Variants in COG2 observed in about 807,000 individuals in gnomAD.
COG2 encodes conserved oligomeric Golgi complex subunit 2.
In COG2, 52 loss-of-function variants were observed where a neutral mutation model predicts 90.6. The observed-to-expected ratio is 0.57, with a 90% CI of 0.46 to 0.72. The LOEUF is 0.72. COG2 is among the 30% of genes least tolerant of loss of function. The pLI is 0.00. For synonymous variants in COG2, 337 were observed against 320.4 expected (o/e 1.05, Z -0.55); for missense variants, 829 against 891.2 (o/e 0.93, Z 0.89).
At chr1:230,678,016 T>C (rs1662641273) in intron 9 of COG2, 1 of 985,306 alleles carries the variant, frequency 1.0e-6, no homozygotes, top group African/African-American at 1.7e-5. Flanking sequence ...ATTTAAAGCC[T>C]GTAGTTTTTA....
At chr1:230,671,668 C>T (rs745635396) in intron 8 of COG2, 28 bp downstream of exon 8, 47 of 1,607,940 alleles carry the variant, frequency 2.9e-5, no homozygotes, top group Non-Finnish European at 1.9e-5. Flanking sequence ...GTGTGGACCC[C>T]CACCTCCCTT....
Position 230,642,575 on chromosome 1 carries a change from G to C in COG2, c.-32G>C, listed in dbSNP as rs751061110. On this transcript the variant is annotated 5_prime_UTR_variant, in exon 1 of 18. Transcript: ENST00000366669. ...GCAGCCTCCTGCGTTTTCTCGCTTGGATCTTGGCACTGAGAGGCGGTGGCC... is the reference window on the plus strand; with the variant it reads ...GCAGCCTCCTGCGTTTTCTCGCTTGCATCTTGGCACTGAGAGGCGGTGGCC... 1 of 1,602,526 alleles carries C rather than the reference G, an allele frequency of 6.2e-7. No homozygotes were observed. The highest frequency in any genetic ancestry group is 8.5e-7 in the Non-Finnish European group (1 of 1,174,524).
At chr1:230,690,175 C>G (rs1173945466) in intron 16 of COG2, 22 bp downstream of exon 16, 2 of 1,606,974 alleles carry the variant, frequency 1.2e-6, no homozygotes, top group Admixed American at 1.7e-5. Flanking sequence ...AAAAGCAGAC[C>G]TTGTGGGCCT....
chr1:230,644,038 A>G (rs961966326), intron 1 of COG2, among the ~76,000 whole-genome samples: 16 of 152,184 alleles, frequency 1.1e-4, no homozygotes, highest in Non-Finnish European at 1.6e-4. Flanking sequence ...CTTAAGGCTC[A>G]ACACCAGCAT....
At chr1:230,677,549 G>T (rs1223070697) in intron 9 of COG2, among the ~76,000 whole-genome samples, 1 of 152,124 alleles carries the variant, frequency 6.6e-6, no homozygotes, top group Non-Finnish European at 1.5e-5. Context: ...AAAAAGTAGG[G>T]CTTTTTAAAT....
intron 1 of COG2, among the ~76,000 whole-genome samples, chr1:230,655,755 A>T (rs1193165996): frequency 6.6e-6 from 1 of 152,140 alleles, no homozygotes; most frequent in Non-Finnish European, 1.5e-5. Flanking sequence ...GTAGGCTATT[A>T]ATTGCTGCCT....
chr1:230,663,255 T>C (rs1662234943), intron 4 of COG2, 34 bp downstream of exon 4: 1 of 1,554,248 alleles, frequency 6.4e-7, no homozygotes, highest in Non-Finnish European at 8.8e-7. Flanking sequence ...AAATCGTTGA[T>C]TCACTGTAGC....
At chr1:230,655,944 A>T (rs1370812841) in intron 1 of COG2, among the ~76,000 whole-genome samples, 4 of 152,038 alleles carry the variant, frequency 2.6e-5, no homozygotes, top group Non-Finnish European at 5.9e-5. Flanking sequence ...GGGGGGTGAT[A>T]TCCCTTTATC....
At chr1:230,673,560 T>G (rs1328294467) in intron 8 of COG2, among the ~76,000 whole-genome samples, 1 of 152,202 alleles carries the variant, frequency 6.6e-6, no homozygotes, top group Non-Finnish European at 1.5e-5. Flanking sequence ...GACATTAACT[T>G]TGGGAATGAG....
intron 5 of COG2, among the ~76,000 whole-genome samples, chr1:230,667,119 T>C (rs1662339623): frequency 6.6e-6 from 1 of 152,214 alleles, no homozygotes; most frequent in Admixed American, 6.5e-5. Flanking sequence ...GTTGATTGGC[T>C]TGCATGCCTT....
chr1:230,665,079 A>T (rs1047669777), intron 5 of COG2, among the ~76,000 whole-genome samples: 5 of 152,190 alleles, frequency 3.3e-5, no homozygotes, highest in African/African-American at 1.2e-4. Flanking sequence ...CCTTTGTTAT[A>T]CTGTAGTGTC....
Position 230,675,109 on chromosome 1 carries a change from C to T in COG2, c.1011C>T (p.Pro337=), listed in dbSNP as rs375093888. The change falls in exon 9 of 18, where the codon CCC becomes CCT. Residue 337 remains proline, a synonymous_variant. Coordinates refer to ENST00000366669, the MANE Select transcript of COG2 (RefSeq NM_007357.3). ...CCTCGCTTTTTAATCCTGGGAATCC[C>T]GATGCATTTCATGAGGTATCTCCCC... ...KLPSLFNPGN[P]DAFHEKYTIS... 17 of 1,610,652 alleles carry T rather than the reference C, an allele frequency of 1.1e-5. No homozygotes were observed. The highest frequency in any genetic ancestry group is 3.4e-5 in the Admixed American group (2 of 59,566).
intron 6 of COG2, chr1:230,669,090 T>G (rs1336573723): frequency 4.4e-6 from 2 of 454,376 alleles, no homozygotes; most frequent in Non-Finnish European, 7.7e-6. Context: ...CCATGATGTT[T>G]CCTCAAGATT....
At chr1:230,685,059 G>A (rs1240398902) in intron 11 of COG2, 26 bp from the exon 12 acceptor site, 3 of 1,612,796 alleles carry the variant, frequency 1.9e-6, no homozygotes, top group African/African-American at 1.3e-5. Context: ...TTCCTTAAAT[G>A]TGTGTTGTTG....
chr1:230,642,704 G>T (rs760452133), intron 1 of COG2, 26 bp downstream of exon 1: 54 of 1,604,882 alleles, frequency 3.4e-5, no homozygotes, highest in Non-Finnish European at 4.6e-5. Flanking sequence ...GCTCCCCGGA[G>T]CCGGGCCATG....
chr1:230,679,938 G>C (rs1021662630), intron 10 of COG2: 2 of 152,194 alleles, frequency 1.3e-5, no homozygotes, highest in African/African-American at 4.8e-5. Flanking sequence ...ATAATTGCTT[G>C]AGATGATTGA....
In COG2 at chr1:230,688,568, C is replaced by T. The variant is rs367758232; in HGVS notation, c.1794+6C>T. 11 of 1,613,536 alleles carry T rather than the reference C, an allele frequency of 6.8e-6. No individual in the cohort carries two copies. The highest frequency in any genetic ancestry group is 1.7e-5 in the Admixed American group (1 of 59,972). ...TTTACCGAAGAACCAATAAGGTCAG[C>T]GCCATTTATGGGAGAGAATTTTGAG... On this transcript the variant is annotated splice_donor_region_variant and intron_variant, in intron 15 of 17. Coordinates refer to ENST00000366669, the MANE Select transcript of COG2 (RefSeq NM_007357.3).
Position 230,671,565 on chromosome 1 carries a change from T to C in COG2, c.824T>C (p.Met275Thr), listed in dbSNP as rs777349561. The part of the protein sequence containing the change: ...VESHPNGLQV[M>T]YNKLLEFVPH... ...TCTCATCCCAATGGCCTTCAGGTCA[T>C]GTATAATAAACTCCTGGAGTTTGTT... The change falls in exon 8 of 18, where the codon ATG becomes ACG. Residue 275 changes from methionine (M) to threonine (T), a missense_variant. Physicochemically the swap from Met to Thr is moderately conservative, Grantham distance 81 (BLOSUM62 -1). Coordinates refer to ENST00000366669, the MANE Select transcript of COG2 (RefSeq NM_007357.3). The C allele has an allele frequency of 3.1e-6, 5 of 1,613,770 alleles. No individual in the cohort carries two copies. In the African/African-American group the frequency reaches 6.7e-5, roughly 22 times the overall value.
intron 2 of COG2, 111 bp downstream of exon 2, chr1:230,659,736 A>C (rs867218785): frequency 2.1e-5 from 22 of 1,061,072 alleles, no homozygotes; most frequent in Middle Eastern, 3.0e-4. Context: ...ATGTCCTCAC[A>C]GAAATTTGAA....
Sources: allele counts gnomAD v4.1 joint callset (sites outside exome capture counted in the v4.1 genomes callset), GRCh38; gene constraint gnomAD v4.1.1; transcripts MANE v1.5; gene names NCBI Gene and HGNC (gene_info 2026-07-23, HGNC 2026-07-21).